Variants in TCF12 observed in about 807,000 individuals in gnomAD.
TCF12 encodes the protein DNA-binding protein HTF4.
Under a neutral mutation model 86.0 loss-of-function variants are expected in TCF12, and 45 were observed. That is an observed-to-expected ratio of 0.52 (90% CI 0.41 to 0.67). The LOEUF is 0.67. Among genes scored for constraint, TCF12 ranks in the 30% least tolerant of loss-of-function variants. The pLI is 0.00. For missense variants in TCF12, 881 were observed against 859.9 expected (o/e 1.02, Z -0.31); for synonymous variants, 330 against 299.6 (o/e 1.10, Z -1.05).
chr15:57,065,778 A>G (rs77952189), intron 4 of TCF12, among the ~76,000 whole-genome samples: 23 of 152,250 alleles, frequency 1.5e-4, no homozygotes, highest in Non-Finnish European at 3.2e-4. Context: ...TTTGCTATTT[A>G]TAGGTCAAAT....
intron 4 of TCF12, 89 bp downstream of exon 4, chr15:57,063,912 AAATT>A: frequency 9.4e-7 from 1 of 1,062,710 alleles, no homozygotes; most frequent in Non-Finnish European, 1.4e-6. Context: ...TGAGAAATGA[AAATT>A]AATTTCTTTT....
intron 3 of TCF12, among the ~76,000 whole-genome samples, chr15:56,968,364 GT>G (rs71848547): frequency 0.63 from 80,465 of 128,542 alleles, 24,647 homozygotes; most frequent in Admixed American, 0.73. Flanking sequence ...ACCTTTTTTT[GT>G]TTTTTTTTTT....
At position 57,174,779 on chromosome 15, in the gene TCF12, G is replaced by T. The variant is rs117963573; in HGVS notation, c.390+8313G>T. Reference sequence around the variant, plus strand: ...TAACAGAATAGTACTGCTTATAGTAGTATCCAAAAGCGTGAAATACTGAGG... The same window carrying T: ...TAACAGAATAGTACTGCTTATAGTATTATCCAAAAGCGTGAAATACTGAGG... On this transcript the variant is annotated intron_variant, in intron 6 of 20. Coordinates refer to ENST00000333725, the MANE Select transcript of TCF12 (RefSeq NM_207037.2). Among the ~76,000 whole-genome samples, 7 of 152,248 alleles carry T rather than the reference G, an allele frequency of 4.6e-5. No homozygotes were observed. The East Asian group carries it at 1.4e-3, about 29-fold the overall frequency.
At chr15:57,061,673 A>G (rs2068466116) in intron 3 of TCF12, among the ~76,000 whole-genome samples, 1 of 152,234 alleles carries the variant, frequency 6.6e-6, no homozygotes, top group East Asian at 1.9e-4. Context: ...GAAAATATGA[A>G]GTCATAAAAA....
intron 8 of TCF12, 120 bp from the exon 9 acceptor site, chr15:57,231,032 G>T: frequency 3.1e-6 from 2 of 637,904 alleles, no homozygotes; most frequent in Non-Finnish European, 5.5e-6. Flanking sequence ...TTCATTTGTG[G>T]TAGCCCTTTA....
chr15:57,133,928 T>C (rs2052334948), intron 5 of TCF12, among the ~76,000 whole-genome samples: 1 of 152,222 alleles, frequency 6.6e-6, no homozygotes. Flanking sequence ...TGCTGTTTGT[T>C]GTTTTGATAT....
intron 3 of TCF12, among the ~76,000 whole-genome samples, chr15:56,965,813 G>A (rs1424561946): frequency 5.3e-5 from 8 of 152,134 alleles, no homozygotes; most frequent in Admixed American, 1.3e-4. Flanking sequence ...AGTTATCCAT[G>A]ATGGGAAATG....
intron 5 of TCF12, among the ~76,000 whole-genome samples, chr15:57,110,761 T>C (rs554097656): frequency 4.6e-5 from 7 of 152,322 alleles, no homozygotes; most frequent in Non-Finnish European, 1.0e-4. Context: ...ACTTAGTTCA[T>C]CTCACTATAT....
At chr15:57,056,135 G>GTC (rs2068008201) in intron 3 of TCF12, among the ~76,000 whole-genome samples, 1 of 151,410 alleles carries the variant, frequency 6.6e-6, no homozygotes, top group African/African-American at 2.4e-5. Context: ...GTGTGTGTGT[G>GTC]TGTGTGTGTG....
At chr15:56,991,847 G>A (rs927603123) in intron 3 of TCF12, among the ~76,000 whole-genome samples, 12 of 151,922 alleles carry the variant, frequency 7.9e-5, no homozygotes, top group Non-Finnish European at 1.2e-4. Context: ...TTGTACAAGG[G>A]TTAACTGTCT....
At chr15:57,225,707 G>T (rs2058841908) in intron 8 of TCF12, among the ~76,000 whole-genome samples, 1 of 151,946 alleles carries the variant, frequency 6.6e-6, no homozygotes, top group East Asian at 1.9e-4. Context: ...ATACAAATGG[G>T]TATAGTTATT....
At chr15:57,072,782 C>G in intron 4 of TCF12, 3 of 1,017,988 alleles carry the variant, frequency 2.9e-6, no homozygotes, top group Non-Finnish European at 3.8e-6. Flanking sequence ...ACTGCTCCTT[C>G]TGAATGTTCT....
intron 5 of TCF12, among the ~76,000 whole-genome samples, chr15:57,117,093 T>G (rs1278336109): frequency 5.4e-5 from 6 of 111,646 alleles, no homozygotes; most frequent in African/African-American, 1.9e-4. Flanking sequence ...AAAATTCAAC[T>G]GTTAACACCT....
chr15:57,075,338 T>A (rs1198556933), intron 4 of TCF12, among the ~76,000 whole-genome samples: 1 of 152,238 alleles, frequency 6.6e-6, no homozygotes, highest in Non-Finnish European at 1.5e-5. Context: ...TTTTGTAGTC[T>A]CTTGGAATTC....
intron 8 of TCF12, among the ~76,000 whole-genome samples, chr15:57,219,981 C>T (rs567644373): frequency 1.3e-5 from 2 of 152,192 alleles, no homozygotes; most frequent in South Asian, 4.1e-4. Context: ...CCGCCTCGGC[C>T]TCCCAAAATG....
intron 3 of TCF12, among the ~76,000 whole-genome samples, chr15:57,019,076 A>G (rs2065318652): frequency 6.6e-6 from 1 of 152,204 alleles, no homozygotes; most frequent in Non-Finnish European, 1.5e-5. Context: ...AGAGGAGTTG[A>G]TACCTTGGTA....
chr15:57,027,453 C>T (rs2065890324), intron 3 of TCF12, among the ~76,000 whole-genome samples: 1 of 152,102 alleles, frequency 6.6e-6, no homozygotes, highest in African/African-American at 2.4e-5. Context: ...CTGATTTGGC[C>T]ATTCGTTCGT....
At chr15:57,038,269 TAAAA>T in intron 3 of TCF12, among the ~76,000 whole-genome samples, 2 of 149,474 alleles carry the variant, frequency 1.3e-5, no homozygotes, top group East Asian at 2.0e-4. Flanking sequence ...CCATCTCTGT[TAAAA>T]AAAAAATTGC....
In TCF12 at chr15:57,263,222, G is replaced by T; in HGVS notation, c.1693G>T (p.Asp565Tyr). ...EPPSSDDMKSDDESSQKDIKV... is the reference protein window; with the variant it reads ...EPPSSDDMKSYDESSQKDIKV... ...TCCTTCATCAGATGACATGAAGTCA[G>T]ATGATGAATCCTCCCAAAAAGATAT... Residue 565 changes from aspartate (D) to tyrosine (Y), a missense_variant, in exon 18 of 21, where the codon GAT becomes TAT. Physicochemically the swap from Asp to Tyr is radical, Grantham distance 160. Around this residue, in one of 3 missense-constraint regions of TCF12, gnomAD observed 766 missense variants for 718.9 expected, o/e 1.07. Coordinates refer to ENST00000333725, the MANE Select transcript of TCF12 (RefSeq NM_207037.2). 1 of 1,612,438 alleles carries T rather than the reference G, an allele frequency of 6.2e-7. No individual in the cohort carries two copies. Among genetic ancestry groups the T allele is most frequent in the Non-Finnish European group, 8.5e-7 (1 of 1,179,538 alleles).
Sources: allele counts gnomAD v4.1 joint callset (sites outside exome capture counted in the v4.1 genomes callset), GRCh38; gene constraint gnomAD v4.1.1; regional missense constraint gnomAD v4.1.1; transcripts MANE v1.5; gene names NCBI Gene and HGNC (gene_info 2026-07-23, HGNC 2026-07-21).